The following ARHGEF28 variants were observed in gnomAD, a reference collection of about 807,000 sequenced individuals.
ARHGEF28 encodes the protein 190 kDa guanine nucleotide exchange factor.
Under a neutral mutation model 206.6 loss-of-function variants are expected in ARHGEF28, and 152 were observed. The ratio of observed to expected loss-of-function variants is 0.74; its 90% CI spans 0.64 to 0.84. The LOEUF (loss-of-function observed/expected upper bound fraction) is 0.84, where lower values mean the gene tolerates loss of function less well. ARHGEF28 is among the 40% of genes least tolerant of loss of function. ARHGEF28 has a pLI of 0.00. For synonymous variants in ARHGEF28, 763 were observed against 776.4 expected, an observed-to-expected ratio of 0.98 and a Z score of 0.29; for missense variants, 2,028 against 2,073.2, an observed-to-expected ratio of 0.98 and a Z score of 0.42.
intron 1 of ARHGEF28, among the ~76,000 whole-genome samples, chr5:73,639,690 A>G (rs2112135622): frequency 6.6e-6 from 1 of 152,306 alleles, no homozygotes; most frequent in East Asian, 1.9e-4. Flanking sequence ...ACTACATAGC[A>G]TAGTAAGCCT....
At chr5:73,638,990 G>A (rs767932183) in intron 1 of ARHGEF28, among the ~76,000 whole-genome samples, 59 of 152,084 alleles carry the variant, frequency 3.9e-4, no homozygotes, top group Non-Finnish European at 7.6e-4. Context: ...GGCGCTTGTA[G>A]CTAGTGTTTG....
intron 1 of ARHGEF28, among the ~76,000 whole-genome samples, chr5:73,668,590 A>G (rs753177441): frequency 3.9e-5 from 6 of 152,230 alleles, no homozygotes; most frequent in Non-Finnish European, 2.9e-5. Context: ...TTTCCAACCC[A>G]TGCTTTTTGG....
At chr5:73,827,882 A>C (rs777220580) in intron 9 of ARHGEF28, 6 of 152,256 alleles carry the variant, frequency 3.9e-5, no homozygotes, top group Admixed American at 6.5e-5. Context: ...GCTCATTGAA[A>C]AAGCAGTCCA....
At chr5:73,782,667 C>A (rs1753917730) in intron 7 of ARHGEF28, among the ~76,000 whole-genome samples, 1 of 152,124 alleles carries the variant, frequency 6.6e-6, no homozygotes, top group Non-Finnish European at 1.5e-5. Context: ...GTTGACGGAG[C>A]CACTCTTTAC....
At chr5:73,850,138 T>C (rs1758615330) in intron 13 of ARHGEF28, among the ~76,000 whole-genome samples, 1 of 150,142 alleles carries the variant, frequency 6.7e-6, no homozygotes, top group Non-Finnish European at 1.5e-5. Context: ...ATAATCTTGG[T>C]GCTTGAAACA....
intron 9 of ARHGEF28, among the ~76,000 whole-genome samples, chr5:73,808,265 T>C (rs1755631120): frequency 6.6e-6 from 1 of 151,668 alleles, no homozygotes; most frequent in South Asian, 2.1e-4. Context: ...TTGGGGGAGG[T>C]AGGGAGGAAA....
At chr5:73,706,415 G>T (rs1005008413) in intron 2 of ARHGEF28, among the ~76,000 whole-genome samples, 1 of 151,912 alleles carries the variant, frequency 6.6e-6, no homozygotes, top group African/African-American at 2.4e-5. Flanking sequence ...TGATTTCTCT[G>T]TGTTAAATAT....
At chr5:73,939,557 A>G (rs919603987) in intron 35 of ARHGEF28, among the ~76,000 whole-genome samples, 1 of 152,180 alleles carries the variant, frequency 6.6e-6, no homozygotes, top group African/African-American at 2.4e-5. Context: ...GCCTTGGTGC[A>G]GCTCCTCCAG....
In ARHGEF28 at chr5:73,841,840, G is replaced by A. The variant is rs1289425884; in HGVS notation, c.1427+1080G>A. ...TGGGAATGGAATGAATCATAACAGA[G>A]TTTCCATGGTAGATGGCCAGTATCC... On this transcript the variant is annotated intron_variant, in intron 11 of 35. Transcript: ENST00000513042. 3.9e-5 allele frequency among the ~76,000 whole-genome samples: 6 copies of A among 152,192 alleles called. No homozygotes were observed. The South Asian group carries it at 6.2e-4, about 16-fold the overall frequency.
intron 2 of ARHGEF28, among the ~76,000 whole-genome samples, chr5:73,737,657 G>A (rs556580659): frequency 3.4e-5 from 5 of 146,858 alleles, no homozygotes; most frequent in Admixed American, 3.3e-4. Context: ...GATTACAGGT[G>A]CACGCTGCCA....
intron 14 of ARHGEF28, among the ~76,000 whole-genome samples, chr5:73,854,440 A>G (rs551206412): frequency 6.6e-6 from 1 of 152,232 alleles, no homozygotes; most frequent in South Asian, 2.1e-4. Flanking sequence ...TATTGTATGT[A>G]TTTCCTCCTT....
intron 35 of ARHGEF28, among the ~76,000 whole-genome samples, chr5:73,924,744 T>C (rs764889038): frequency 6.6e-6 from 1 of 152,160 alleles, no homozygotes; most frequent in Non-Finnish European, 1.5e-5. Context: ...GAAATGCTGA[T>C]TTTTGGGAAG....
intron 17 of ARHGEF28, 73 bp downstream of exon 17, chr5:73,864,945 T>C: frequency 7.4e-7 from 1 of 1,354,234 alleles, no homozygotes; most frequent in Non-Finnish European, 1.0e-6. Flanking sequence ...CTTTTACTCT[T>C]TTTTATTACC....
At chr5:73,727,624 C>T (rs923004795) in intron 2 of ARHGEF28, among the ~76,000 whole-genome samples, 3 of 152,176 alleles carry the variant, frequency 2.0e-5, no homozygotes, top group African/African-American at 7.2e-5. Context: ...TTGGTTCTGT[C>T]CCCCTGAGAC....
At chr5:73,706,585 A>G (rs1748949253) in intron 2 of ARHGEF28, among the ~76,000 whole-genome samples, 1 of 152,204 alleles carries the variant, frequency 6.6e-6, no homozygotes, top group African/African-American at 2.4e-5. Flanking sequence ...GGCACAGGGT[A>G]GGCACTCAGT....
intron 9 of ARHGEF28, among the ~76,000 whole-genome samples, chr5:73,814,817 T>C (rs1442425495): frequency 6.6e-6 from 1 of 152,150 alleles, no homozygotes; most frequent in South Asian, 2.1e-4. Context: ...AAGTGTTTAT[T>C]TGGCTTGTTT....
chr5:73,663,583 C>T (rs537880579), intron 1 of ARHGEF28, among the ~76,000 whole-genome samples: 52 of 152,308 alleles, frequency 3.4e-4, no homozygotes, highest in Admixed American at 1.1e-3. Context: ...CTGTAAGCTC[C>T]GAGCATTGTG....
intron 35 of ARHGEF28, among the ~76,000 whole-genome samples, chr5:73,932,800 CTTTTT>C (rs386404110): frequency 4.4e-4 from 32 of 73,432 alleles, no homozygotes; most frequent in African/African-American, 1.6e-3. Context: ...TTTCCTATTT[CTTTTT>C]TTTTTTTTTT....
chr5:73,641,015 G>A (rs1231645578), intron 1 of ARHGEF28, among the ~76,000 whole-genome samples: 1 of 152,182 alleles, frequency 6.6e-6, no homozygotes, highest in Non-Finnish European at 1.5e-5. Flanking sequence ...GGGGAAGAAA[G>A]CCTCAAAGAG....
Sources: allele counts gnomAD v4.1 joint callset (sites outside exome capture counted in the v4.1 genomes callset), GRCh38; gene constraint gnomAD v4.1.1; transcripts MANE v1.5; gene names NCBI Gene and HGNC (gene_info 2026-07-23, HGNC 2026-07-21).